DRC9: variants seen among roughly 807,000 people sequenced by gnomAD.
DRC9 encodes the protein dynein regulatory complex subunit 9.
chr3:197,944,709 A>G, the DRC9 span, among the ~76,000 whole-genome samples: 3 of 151,918 alleles, frequency 2.0e-5, no homozygotes, highest in South Asian at 2.1e-4. Flanking sequence ...CGGCCTCCCA[A>G]AGTGCTGGGA....
chr3:197,898,916 G>C, the DRC9 span, among the ~76,000 whole-genome samples: 7 of 151,840 alleles, frequency 4.6e-5, no homozygotes, highest in East Asian at 1.4e-3. Context: ...GTTTCAGTAA[G>C]AAAAAAGGAA....
At chr3:197,953,088 C>T in the DRC9 span, among the ~76,000 whole-genome samples, 7 of 152,228 alleles carry the variant, frequency 4.6e-5, no homozygotes, top group Non-Finnish European at 1.0e-4. Context: ...CGTGAGCCAT[C>T]GTGCCATTGC....
chr3:197,944,615 A>G, the DRC9 span, among the ~76,000 whole-genome samples: 1 of 151,934 alleles, frequency 6.6e-6, no homozygotes, highest in Non-Finnish European at 1.5e-5. Flanking sequence ...CACCTGGCTA[A>G]TTTTTTGTAT....
the DRC9 span, chr3:197,938,961 ATTC>A: frequency 1.2e-5 from 7 of 593,160 alleles, no homozygotes; most frequent in African/African-American, 1.9e-5. Flanking sequence ...TTCACACAAC[ATTC>A]TTCTTCTCCG....
At chr3:197,950,202 C>T in the DRC9 span, 1 of 1,231,604 alleles carries the variant, frequency 8.1e-7, no homozygotes, top group Non-Finnish European at 1.0e-6. Flanking sequence ...TCTCTTACCG[C>T]CATCTTGGCT....
chr3:197,893,824 G>C, the DRC9 span, among the ~76,000 whole-genome samples: 7 of 152,040 alleles, frequency 4.6e-5, no homozygotes, highest in Non-Finnish European at 1.0e-4. Context: ...CTCTAGCCTG[G>C]GTGACAGAGT....
the DRC9 span, among the ~76,000 whole-genome samples, chr3:197,946,549 T>C: frequency 1.3e-5 from 2 of 152,110 alleles, no homozygotes; most frequent in African/African-American, 4.8e-5. Flanking sequence ...TTAAATGAGC[T>C]TTACAGTGAA....
At chr3:197,914,129 G>A in the DRC9 span, 103 of 1,091,882 alleles carry the variant, frequency 9.4e-5, no homozygotes, top group African/African-American at 2.0e-4. Flanking sequence ...CCTTTTATGC[G>A]TATAAATCAA....
At chr3:197,933,592 C>A in the DRC9 span, among the ~76,000 whole-genome samples, 6 of 151,696 alleles carry the variant, frequency 4.0e-5, no homozygotes, top group African/African-American at 7.3e-5. Context: ...GTACGTAACA[C>A]CAAATTTAAA....
chr3:197,926,800 C>T, the DRC9 span, among the ~76,000 whole-genome samples: 1 of 152,192 alleles, frequency 6.6e-6, no homozygotes, highest in African/African-American at 2.4e-5. Flanking sequence ...ACAGCCGTGT[C>T]TTCCAGCCTC....
chr3:197,954,230 G>T, the DRC9 span: 3 of 1,467,246 alleles, frequency 2.0e-6, no homozygotes, highest in Non-Finnish European at 2.8e-6. Context: ...GAGGACTTCT[G>T]TGGTTGTGAA....
At chr3:197,944,433 TTTTTA>T in the DRC9 span, among the ~76,000 whole-genome samples, 21 of 150,644 alleles carry the variant, frequency 1.4e-4, no homozygotes, top group African/African-American at 2.7e-4. Context: ...TAAGTTTGTG[TTTTTA>T]TTTTATTTTA....
chr3:197,917,342 A>G, the DRC9 span, among the ~76,000 whole-genome samples: 3 of 152,158 alleles, frequency 2.0e-5, no homozygotes, highest in African/African-American at 7.2e-5. Context: ...ATGAATCAGA[A>G]CGGAATTCTT....
the DRC9 span, among the ~76,000 whole-genome samples, chr3:197,936,464 G>A: frequency 2.6e-5 from 4 of 151,894 alleles, no homozygotes; most frequent in East Asian, 1.9e-4. Context: ...TCCTAGGCTC[G>A]GGTGATCCTC....
At chr3:197,941,679 G>A in the DRC9 span, among the ~76,000 whole-genome samples, 1 of 149,792 alleles carries the variant, frequency 6.7e-6, no homozygotes, top group African/African-American at 2.5e-5. Context: ...TCCCATATCA[G>A]CCTCCTGAGT....
At chr3:197,948,772 T>A in the DRC9 span, among the ~76,000 whole-genome samples, 1 of 152,232 alleles carries the variant, frequency 6.6e-6, no homozygotes, top group South Asian at 2.1e-4. Flanking sequence ...TTCGGAGTCA[T>A]ACTTTACTCT....
chr3:197,891,079 A>T, the DRC9 span, among the ~76,000 whole-genome samples: 2 of 152,198 alleles, frequency 1.3e-5, no homozygotes, highest in African/African-American at 2.4e-5. Context: ...AACCCAGCAG[A>T]TAGTCTGGGC....
the DRC9 span, among the ~76,000 whole-genome samples, chr3:197,900,906 A>C: frequency 6.6e-6 from 1 of 152,184 alleles, no homozygotes; most frequent in Non-Finnish European, 1.5e-5. This position sits in a 1 kb window ranked among gnomAD's most constrained non-coding sequence, Gnocchi z 4.7. Context: ...TCTACTGACG[A>C]AAGAGCCCCC....
At chr3:197,945,114 A>G in the DRC9 span, among the ~76,000 whole-genome samples, 3 of 152,204 alleles carry the variant, frequency 2.0e-5, no homozygotes, top group African/African-American at 7.2e-5. Flanking sequence ...GGACTAGCCT[A>G]TGTAACCAGA....
Sources: allele counts gnomAD v4.1 joint callset (sites outside exome capture counted in the v4.1 genomes callset), GRCh38; gene constraint gnomAD v4.1.1; non-coding constraint Gnocchi (gnomAD v3.1); transcripts MANE v1.5; gene names NCBI Gene and HGNC (gene_info 2026-07-23, HGNC 2026-07-21).